CDH13: variants seen among roughly 807,000 people sequenced by gnomAD.
The protein encoded by CDH13 is cadherin-13.
CDH13 carries 24 observed loss-of-function variants against 63.8 expected under a neutral mutation model. That is an observed-to-expected ratio of 0.38 (90% CI 0.27 to 0.53). The LOEUF (loss-of-function observed/expected upper bound fraction) is 0.53. Among genes scored for constraint, CDH13 ranks in the 20% least tolerant of loss-of-function variants. CDH13 has a pLI of 0.85. For missense variants in CDH13, 1,049 were observed against 903.1 expected (o/e 1.16, Z -2.07); for synonymous variants, 503 against 355.3 (o/e 1.42, Z -4.67).
intron 7 of CDH13, among the ~76,000 whole-genome samples, chr16:83,499,266 C>G (rs2074216684): frequency 6.6e-6 from 1 of 152,206 alleles, no homozygotes; most frequent in Non-Finnish European, 1.5e-5. Context: ...TTGCAAAATA[C>G]TCCTTAAGCT....
intron 4 of CDH13, among the ~76,000 whole-genome samples, chr16:83,146,885 C>T (rs1343789791): frequency 6.6e-6 from 1 of 152,112 alleles, no homozygotes; most frequent in Non-Finnish European, 1.5e-5. Context: ...GTCAGGAGTT[C>T]GAAGTTAGCC....
intron 6 of CDH13, among the ~76,000 whole-genome samples, chr16:83,376,553 A>T (rs1352192536): frequency 1.3e-5 from 2 of 152,194 alleles, no homozygotes; most frequent in Non-Finnish European, 2.9e-5. Context: ...TTAGAAAAAA[A>T]TTATTCTGGC....
At chr16:82,963,252 A>C (rs1030200359) in intron 2 of CDH13, among the ~76,000 whole-genome samples, 24 of 151,562 alleles carry the variant, frequency 1.6e-4, no homozygotes, top group African/African-American at 5.6e-4. Flanking sequence ...GGTGGTGGGC[A>C]CCTGTAATCC....
At chr16:82,828,111 A>G (rs2038342721) in intron 1 of CDH13, among the ~76,000 whole-genome samples, 1 of 152,162 alleles carries the variant, frequency 6.6e-6, no homozygotes, top group African/African-American at 2.4e-5. Flanking sequence ...GCTCTGTTGT[A>G]TTTGATTAGA....
chr16:83,391,288 C>G (rs1440746900), intron 6 of CDH13, among the ~76,000 whole-genome samples: 4 of 152,028 alleles, frequency 2.6e-5, no homozygotes, highest in African/African-American at 9.7e-5. Flanking sequence ...TTACTGCAAC[C>G]TCTGCCTCCC....
At chr16:83,423,077 C>T (rs897525550) in intron 6 of CDH13, among the ~76,000 whole-genome samples, 2 of 152,140 alleles carry the variant, frequency 1.3e-5, no homozygotes, top group Non-Finnish European at 2.9e-5. Context: ...TGTAGATTTA[C>T]ATGTAACAGC....
At chr16:83,374,246 A>G (rs1408663150) in intron 6 of CDH13, among the ~76,000 whole-genome samples, 2 of 152,192 alleles carry the variant, frequency 1.3e-5, no homozygotes, top group Non-Finnish European at 2.9e-5. Flanking sequence ...ACATATTTCA[A>G]TATACCTCCA....
intron 7 of CDH13, among the ~76,000 whole-genome samples, chr16:83,537,538 C>G (rs1476731654): frequency 6.6e-6 from 1 of 151,944 alleles, no homozygotes; most frequent in African/African-American, 2.4e-5. Flanking sequence ...GAAAAGGAAC[C>G]ATTTGCTCAC....
chr16:82,960,353 T>G (rs1194370307), intron 2 of CDH13, among the ~76,000 whole-genome samples: 2 of 152,168 alleles, frequency 1.3e-5, no homozygotes, highest in Non-Finnish European at 1.5e-5. Flanking sequence ...ATGATGGACC[T>G]ATTTGTCTTG....
intron 5 of CDH13, among the ~76,000 whole-genome samples, chr16:83,244,525 T>C (rs1267169609): frequency 6.6e-6 from 1 of 152,194 alleles, no homozygotes; most frequent in African/African-American, 2.4e-5. Flanking sequence ...AGTGTTTCTC[T>C]AAGTAGTTCC....
intron 4 of CDH13, among the ~76,000 whole-genome samples, chr16:83,155,377 G>A (rs918644777): frequency 2.6e-5 from 4 of 152,284 alleles, no homozygotes; most frequent in African/African-American, 9.6e-5. Flanking sequence ...TTTAGAGGTT[G>A]AAAGGCCAAG....
At chr16:83,437,868 G>A (rs970585398) in intron 6 of CDH13, among the ~76,000 whole-genome samples, 1 of 152,098 alleles carries the variant, frequency 6.6e-6, no homozygotes, top group Non-Finnish European at 1.5e-5. Context: ...AGCAAATAAA[G>A]ATTATTTGTT....
chr16:83,684,272 C>T (rs866417674), intron 10 of CDH13, among the ~76,000 whole-genome samples: 9 of 152,080 alleles, frequency 5.9e-5, no homozygotes, highest in African/African-American at 2.2e-4. Flanking sequence ...GAGGCTGAGG[C>T]AGGAGAATTT....
At chr16:83,620,952 G>A (rs1057315519) in intron 8 of CDH13, among the ~76,000 whole-genome samples, 1 of 152,144 alleles carries the variant, frequency 6.6e-6, no homozygotes, top group African/African-American at 2.4e-5. Context: ...ATGCTGTTAA[G>A]TAAACATCCC....
At chr16:83,527,654 T>C (rs1384426684) in intron 7 of CDH13, among the ~76,000 whole-genome samples, 1 of 152,126 alleles carries the variant, frequency 6.6e-6, no homozygotes, top group Non-Finnish European at 1.5e-5. Flanking sequence ...TTAGTGATGA[T>C]ATATACACCT....
chr16:83,099,727 C>A (rs1267595429), intron 3 of CDH13, among the ~76,000 whole-genome samples: 2 of 151,772 alleles, frequency 1.3e-5, no homozygotes, highest in African/African-American at 2.4e-5. Flanking sequence ...CTTTACCTAC[C>A]TGTGTCTCAG....
At chr16:82,951,898 T>C (rs1271156696) in intron 2 of CDH13, among the ~76,000 whole-genome samples, 1 of 152,184 alleles carries the variant, frequency 6.6e-6, no homozygotes, top group African/African-American at 2.4e-5. Context: ...AACAAAGAGA[T>C]GAGCCCCATA....
chr16:83,749,836 T>TG (rs1328221178), intron 11 of CDH13, among the ~76,000 whole-genome samples: 1 of 152,088 alleles, frequency 6.6e-6, no homozygotes, highest in Non-Finnish European at 1.5e-5. Context: ...CTGTCCAGCC[T>TG]GGGGGGTAGT....
intron 2 of CDH13, among the ~76,000 whole-genome samples, chr16:82,913,905 C>G (rs929831926): frequency 3.3e-5 from 5 of 152,100 alleles, no homozygotes; most frequent in Non-Finnish European, 7.3e-5. Flanking sequence ...TGCTGAGAAA[C>G]AGAGTGGTGC....
Sources: gnomAD v4.1 joint callset for allele counts (sites outside exome capture counted in the v4.1 genomes callset) on GRCh38, gnomAD v4.1.1 for gene constraint, MANE v1.5 for transcripts, NCBI Gene and HGNC (gene_info 2026-07-23, HGNC 2026-07-21) for gene names.